Variants in RERG observed in about 807,000 individuals in gnomAD.
RERG encodes ras-related and estrogen-regulated growth inhibitor.
Under a neutral mutation model 23.2 loss-of-function variants are expected in RERG, and 25 were observed. The observed-to-expected ratio is 1.08, with a 90% confidence interval of 0.79 to 1.50. RERG has a LOEUF of 1.50. RERG is among the 40% of genes most tolerant of loss of function. RERG has a pLI of 0.00. For missense variants in RERG, 253 were observed against 250.1 expected (o/e 1.01, Z -0.08); for synonymous variants, 81 against 89.1 (o/e 0.91, Z 0.51).
intron 2 of RERG, among the ~76,000 whole-genome samples, chr12:15,130,087 C>A (rs1192381249): frequency 6.6e-6 from 1 of 152,116 alleles, no homozygotes; most frequent in East Asian, 1.9e-4. Flanking sequence ...TAGAGAATTG[C>A]CATCCATCCA....
chr12:15,131,988 G>A (rs1358914882), intron 2 of RERG, among the ~76,000 whole-genome samples: 1 of 152,148 alleles, frequency 6.6e-6, no homozygotes, highest in Non-Finnish European at 1.5e-5. Flanking sequence ...ATGGGTGTTT[G>A]AGCTGGAAAA....
chr12:15,118,378 T>G (rs2136086666), intron 3 of RERG, among the ~76,000 whole-genome samples: 1 of 152,260 alleles, frequency 6.6e-6, no homozygotes, highest in Middle Eastern at 3.4e-3. Context: ...CTGTTCCAGG[T>G]TTAAAAAAAA....
intron 2 of RERG, among the ~76,000 whole-genome samples, chr12:15,174,947 C>CT (rs966576836): frequency 6.6e-6 from 1 of 152,080 alleles, no homozygotes; most frequent in Non-Finnish European, 1.5e-5. Context: ...TCTAATAACT[C>CT]TAAGATTTGG....
chr12:15,172,488 A>T (rs935967109), intron 2 of RERG, among the ~76,000 whole-genome samples: 37 of 152,108 alleles, frequency 2.4e-4, no homozygotes, highest in African/African-American at 8.9e-4. Flanking sequence ...TTGGATATGT[A>T]TCTAGAAGCA....
intron 3 of RERG, among the ~76,000 whole-genome samples, chr12:15,119,003 A>G (rs913346334): frequency 6.6e-6 from 1 of 152,138 alleles, no homozygotes; most frequent in Non-Finnish European, 1.5e-5. Flanking sequence ...ATTTCCCTTG[A>G]ATCAAATGGA....
intron 2 of RERG, among the ~76,000 whole-genome samples, chr12:15,128,743 A>T (rs1863991194): frequency 6.6e-6 from 1 of 152,172 alleles, no homozygotes; most frequent in African/African-American, 2.4e-5. Context: ...CAGCCTTATA[A>T]TGGTTTGTCT....
At chr12:15,203,943 C>T (rs1308215259) in intron 2 of RERG, among the ~76,000 whole-genome samples, 3 of 151,598 alleles carry the variant, frequency 2.0e-5, no homozygotes, top group South Asian at 4.2e-4. Context: ...AATAGAAAGA[C>T]ATTTTGTGTT....
chr12:15,176,785 AATTT>A (rs1475413219), intron 2 of RERG, among the ~76,000 whole-genome samples: 1 of 152,188 alleles, frequency 6.6e-6, no homozygotes, highest in Non-Finnish European at 1.5e-5. Context: ...TATTTTATAA[AATTT>A]ATTTAAAGTA....
At chr12:15,197,037 T>C (rs1865155008) in intron 2 of RERG, among the ~76,000 whole-genome samples, 1 of 152,152 alleles carries the variant, frequency 6.6e-6, no homozygotes, top group Non-Finnish European at 1.5e-5. Flanking sequence ...TGTCAGGCAA[T>C]GTTCTAAAGC....
At chr12:15,118,140 C>G (rs1444049504) in intron 3 of RERG, among the ~76,000 whole-genome samples, 2 of 152,082 alleles carry the variant, frequency 1.3e-5, no homozygotes, top group South Asian at 2.1e-4. Context: ...GTTCCCCCTC[C>G]CCCATTTCCT....
intron 2 of RERG, among the ~76,000 whole-genome samples, chr12:15,129,511 C>A (rs1375739640): frequency 6.6e-6 from 1 of 152,094 alleles, no homozygotes; most frequent in African/African-American, 2.4e-5. Flanking sequence ...TATTTATTGA[C>A]CACTGTGCAA....
At chr12:15,155,754 C>T (rs1359149039) in intron 2 of RERG, among the ~76,000 whole-genome samples, 1 of 152,072 alleles carries the variant, frequency 6.6e-6, no homozygotes, top group Non-Finnish European at 1.5e-5. Flanking sequence ...AGTTGTTAAG[C>T]AAGGGTATTC....
rs78365372 is a variant in RERG at position 15,146,592 on chromosome 12, A to G, written c.62-25473T>C. On this transcript the variant is annotated intron_variant, in intron 2 of 4. Coordinates refer to ENST00000256953, the MANE Select transcript of RERG (RefSeq NM_032918.3). Reference sequence around the variant, plus strand: ...CTCTCACAGCTAGTCATGCTGCCCTATTGGAAATCAAATCTGGGACTGTCA... The same window carrying G: ...CTCTCACAGCTAGTCATGCTGCCCTGTTGGAAATCAAATCTGGGACTGTCA... 3.0e-3 allele frequency among the ~76,000 whole-genome samples: 459 copies of G among 152,332 alleles called. 1 individual carries two copies. Among genetic ancestry groups the G allele is most frequent in the African/African-American group, 0.01 (421 of 41,574 alleles).
At chr12:15,192,011 A>G (rs1213707748) in intron 2 of RERG, among the ~76,000 whole-genome samples, 1 of 152,060 alleles carries the variant, frequency 6.6e-6, no homozygotes, top group Non-Finnish European at 1.5e-5. Flanking sequence ...GATGCCTAAT[A>G]TAGTTTGGAT....
intron 2 of RERG, among the ~76,000 whole-genome samples, chr12:15,189,465 C>T (rs571773514): frequency 3.3e-5 from 5 of 152,254 alleles, no homozygotes; most frequent in South Asian, 4.1e-4. Context: ...GCAATCTTCT[C>T]GCTGAAATAT....
intron 2 of RERG, among the ~76,000 whole-genome samples, chr12:15,204,075 A>G (rs1865253251): frequency 6.6e-6 from 1 of 151,780 alleles, no homozygotes; most frequent in African/African-American, 2.4e-5. Flanking sequence ...ACGTAATTCT[A>G]AAGTTTATAT....
chr12:15,217,146 C>T, intron 2 of RERG: 1 of 331,562 alleles, frequency 3.0e-6, no homozygotes, highest in Admixed American at 4.7e-5. Flanking sequence ...TTTCCATCAT[C>T]TGATTTCTTT....
chr12:15,149,121 G>C (rs1018312841), intron 2 of RERG, among the ~76,000 whole-genome samples: 6 of 151,562 alleles, frequency 4.0e-5, no homozygotes, highest in African/African-American at 1.5e-4. Flanking sequence ...CGCCCGCCTC[G>C]GTTTCCCAAA....
intron 2 of RERG, among the ~76,000 whole-genome samples, chr12:15,163,029 A>G (rs1864636227): frequency 6.6e-6 from 1 of 152,202 alleles, no homozygotes; most frequent in Non-Finnish European, 1.5e-5. Context: ...CAATATGAGT[A>G]TTATTTGCCC....
Sources: gnomAD v4.1 joint callset for allele counts (sites outside exome capture counted in the v4.1 genomes callset) on GRCh38, gnomAD v4.1.1 for gene constraint, MANE v1.5 for transcripts, NCBI Gene and HGNC (gene_info 2026-07-23, HGNC 2026-07-21) for gene names.